TAF3: variants seen among roughly 807,000 people sequenced by gnomAD.
TAF3 encodes the protein transcription initiation factor TFIID subunit 3.
Under a neutral mutation model 80.6 loss-of-function variants are expected in TAF3, and 7 were observed. The ratio of observed to expected loss-of-function variants is 0.09; its 90% CI spans 0.05 to 0.16. The LOEUF is 0.16. Ranked by LOEUF, TAF3 falls within the 10% of genes least tolerant of loss-of-function variation. TAF3 has a pLI of 1.00. For synonymous variants in TAF3, 444 were observed against 446.1 expected, an observed-to-expected ratio of 1.00 and a Z score of 0.06; for missense variants, 921 against 1,140.2, an observed-to-expected ratio of 0.81 and a Z score of 2.77.
intron 2 of TAF3, among the ~76,000 whole-genome samples, chr10:7,826,937 TA>T (rs1836747800): frequency 6.6e-6 from 1 of 152,220 alleles, no homozygotes; most frequent in African/African-American, 2.4e-5. Flanking sequence ...ACCCCTTTGA[TA>T]ATGATGCTGT....
At chr10:7,941,809 TAGAG>T (rs1235420827) in intron 2 of TAF3, among the ~76,000 whole-genome samples, 1 of 152,290 alleles carries the variant, frequency 6.6e-6, no homozygotes, top group Non-Finnish European at 1.5e-5. Flanking sequence ...TGCTTGGTCT[TAGAG>T]AGCCTGGAGC....
chr10:7,953,364 G>A (rs1214392569), intron 2 of TAF3, among the ~76,000 whole-genome samples: 1 of 152,208 alleles, frequency 6.6e-6, no homozygotes, highest in Non-Finnish European at 1.5e-5. Flanking sequence ...AGGGGCAGGA[G>A]TAGCTCTGTC....
Position 7,818,641 on chromosome 10 carries a change from C to A in TAF3, c.-69C>A. 1 of 1,541,214 alleles carries A rather than the reference C, an allele frequency of 6.5e-7. No homozygotes were observed. ...AGCCCTAGAGGATGAATCGGGGACC[C>A]TGCTAAGGTCTGGCGGCGGGGCTGG... On this transcript the variant is annotated 5_prime_UTR_variant, in exon 1 of 7. It adds an upstream start codon to the 5' untranslated region. Transcript: ENST00000344293.
At chr10:7,867,840 T>G (rs1837228844) in intron 2 of TAF3, among the ~76,000 whole-genome samples, 1 of 152,252 alleles carries the variant, frequency 6.6e-6, no homozygotes, top group South Asian at 2.1e-4. Flanking sequence ...AAAACTTTAC[T>G]AATAGCTTAC....
At chr10:7,935,752 T>A (rs550067401) in intron 2 of TAF3, among the ~76,000 whole-genome samples, 1 of 152,058 alleles carries the variant, frequency 6.6e-6, no homozygotes, top group East Asian at 1.9e-4. Flanking sequence ...GGAAGCACAT[T>A]CCAAAGAGAG....
chr10:7,960,148 T>C (rs1374031354), intron 2 of TAF3, among the ~76,000 whole-genome samples: 1 of 152,100 alleles, frequency 6.6e-6, no homozygotes, highest in Non-Finnish European at 1.5e-5. Flanking sequence ...CTCTGTGGAG[T>C]AGGAGGAGGT....
intron 2 of TAF3, among the ~76,000 whole-genome samples, chr10:7,947,245 G>C (rs1426885630): frequency 6.6e-6 from 1 of 152,142 alleles, no homozygotes. Flanking sequence ...GCAATCTGCA[G>C]GTCACCTTTC....
chr10:7,965,863 A>T, intron 3 of TAF3, 121 bp downstream of exon 3: 1 of 1,347,436 alleles, frequency 7.4e-7, no homozygotes, highest in Non-Finnish European at 9.7e-7. Flanking sequence ...AAGTGGAAAT[A>T]TGTTTATAAT....
intron 1 of TAF3, among the ~76,000 whole-genome samples, chr10:7,821,500 C>A (rs1011733601): frequency 6.6e-6 from 1 of 152,166 alleles, no homozygotes; most frequent in Non-Finnish European, 1.5e-5. Context: ...AAACAACAAA[C>A]TGATGGTGTT....
At chr10:7,958,592 C>G (rs1438422925) in intron 2 of TAF3, among the ~76,000 whole-genome samples, 1 of 152,018 alleles carries the variant, frequency 6.6e-6, no homozygotes, top group Non-Finnish European at 1.5e-5. Context: ...GATTGAAGAT[C>G]AAGATAGTAG....
At chr10:7,900,234 A>G (rs1017971221) in intron 2 of TAF3, among the ~76,000 whole-genome samples, 10 of 152,212 alleles carry the variant, frequency 6.6e-5, no homozygotes, top group Non-Finnish European at 8.8e-5. Context: ...CTTATTGCCA[A>G]AATAAGTCTT....
At chr10:7,926,564 G>C (rs1837816877) in intron 2 of TAF3, among the ~76,000 whole-genome samples, 1 of 152,132 alleles carries the variant, frequency 6.6e-6, no homozygotes, top group South Asian at 2.1e-4. Context: ...AATTGTTGCT[G>C]CTTCTTCCAT....
intron 2 of TAF3, among the ~76,000 whole-genome samples, chr10:7,948,977 G>A (rs1485963303): frequency 2.0e-5 from 3 of 152,242 alleles, no homozygotes; most frequent in Non-Finnish European, 4.4e-5. Flanking sequence ...AGGGACTGAC[G>A]CGCAGAGGTG....
intron 2 of TAF3, among the ~76,000 whole-genome samples, chr10:7,954,508 C>T (rs1320029738): frequency 1.5e-5 from 2 of 136,616 alleles, no homozygotes; most frequent in Non-Finnish European, 3.2e-5. Context: ...TAGTGAGATT[C>T]AGAGTGCACT....
chr10:7,923,294 A>G (rs1013075835), intron 2 of TAF3, among the ~76,000 whole-genome samples: 33 of 152,068 alleles, frequency 2.2e-4, no homozygotes, highest in African/African-American at 8.0e-4. Context: ...TGTCAGATGT[A>G]ATTTAAAATT....
intron 2 of TAF3, among the ~76,000 whole-genome samples, chr10:7,849,701 A>G (rs1254760785): frequency 6.6e-6 from 1 of 150,724 alleles, no homozygotes; most frequent in Non-Finnish European, 1.5e-5. Context: ...TTTTTGAGAC[A>G]GTGTCTCTCA....
At chr10:7,885,996 A>G (rs1837405726) in intron 2 of TAF3, among the ~76,000 whole-genome samples, 1 of 151,958 alleles carries the variant, frequency 6.6e-6, no homozygotes, top group Non-Finnish European at 1.5e-5. Context: ...TGGCGCGACG[A>G]TGGCTCACTA....
At chr10:7,842,633 A>C (rs1201000502) in intron 2 of TAF3, among the ~76,000 whole-genome samples, 1 of 152,192 alleles carries the variant, frequency 6.6e-6, no homozygotes, top group Non-Finnish European at 1.5e-5. Context: ...CATGTCTACC[A>C]AAAATTTAAT....
chr10:8,014,803 C>T lies in TAF3; in HGVS notation c.*52C>T, dbSNP rs781441663. 2.5e-5 allele frequency: 38 copies of T among 1,490,528 alleles called. No homozygotes were observed. Among genetic ancestry groups the T allele is most frequent in the Middle Eastern group, 3.9e-4 (2 of 5,082 alleles). The allele number at this position is 1,490,528 out of a possible 1,614,324, so 92.3% of individuals were successfully genotyped here. On this transcript the variant is annotated 3_prime_UTR_variant, in exon 7 of 7. Coordinates refer to ENST00000344293, the MANE Select transcript of TAF3 (RefSeq NM_031923.4). ...GGGTCAGCCCGGGCTTCTTCCCTGGCGCCTCTGGAAGGGAGCTGGTGCAAG... is the reference window on the plus strand; with the variant it reads ...GGGTCAGCCCGGGCTTCTTCCCTGGTGCCTCTGGAAGGGAGCTGGTGCAAG...
Sources: gnomAD v4.1 joint callset for allele counts (sites outside exome capture counted in the v4.1 genomes callset) on GRCh38, gnomAD v4.1.1 for gene constraint, MANE v1.5 for transcripts, NCBI Gene and HGNC (gene_info 2026-07-23, HGNC 2026-07-21) for gene names.